CBFA2T3: variants seen among roughly 807,000 people sequenced by gnomAD.
CBFA2T3 encodes the protein transcriptional corepressor CBFA2T3.
CBFA2T3 carries 31 observed loss-of-function variants against 58.6 expected under a neutral mutation model. The observed-to-expected ratio is 0.53, with a 90% CI of 0.40 to 0.71. The LOEUF (loss-of-function observed/expected upper bound fraction) is 0.71, where lower values mean the gene tolerates loss of function less well. Among genes scored for constraint, CBFA2T3 ranks in the 30% least tolerant of loss-of-function variants. The pLI is 0.00. For synonymous variants in CBFA2T3, 531 were observed against 421.9 expected, an observed-to-expected ratio of 1.26 and a Z score of -3.17; for missense variants, 1,076 against 963.1, an observed-to-expected ratio of 1.12 and a Z score of -1.55.
intron 1 of CBFA2T3, among the ~76,000 whole-genome samples, chr16:88,911,258 C>G (rs61691324): frequency 0.016 from 2,426 of 152,326 alleles, 16 homozygotes; most frequent in East Asian, 0.021. Flanking sequence ...TGACGATGGA[C>G]GGCACGGGGT....
intron 1 of CBFA2T3, among the ~76,000 whole-genome samples, chr16:88,926,010 G>GC (rs541678336): frequency 6.6e-6 from 1 of 152,234 alleles, no homozygotes; most frequent in Non-Finnish European, 1.5e-5. Flanking sequence ...CATCTCTTCT[G>GC]CCCCCTGGAA....
intron 5 of CBFA2T3, chr16:88,886,735 C>T (rs1969392147): frequency 6.6e-6 from 1 of 152,534 alleles, no homozygotes; most frequent in African/African-American, 2.4e-5. Flanking sequence ...CAGCCTTGGC[C>T]TTGATGGAGC....
At chr16:88,956,903 C>T (rs1439465528) in intron 1 of CBFA2T3, among the ~76,000 whole-genome samples, 1 of 152,248 alleles carries the variant, frequency 6.6e-6, no homozygotes, top group Non-Finnish European at 1.5e-5. Context: ...CTGGCACCCT[C>T]CAGTCCACAC....
At chr16:88,930,839 G>A (rs1292691358) in intron 1 of CBFA2T3, among the ~76,000 whole-genome samples, 4 of 144,108 alleles carry the variant, frequency 2.8e-5, no homozygotes, top group Non-Finnish European at 6.1e-5. Flanking sequence ...ATGGGGAGGG[G>A]CAGACTGTGG....
chr16:88,929,639 T>C (rs1489418183), intron 1 of CBFA2T3, among the ~76,000 whole-genome samples: 2 of 117,360 alleles, frequency 1.7e-5, no homozygotes, highest in African/African-American at 5.9e-5. Context: ...ACGCAAAAAC[T>C]ACCAATACCC....
chr16:88,909,018 G>C (rs530574526), intron 1 of CBFA2T3, among the ~76,000 whole-genome samples: 1 of 152,204 alleles, frequency 6.6e-6, no homozygotes, highest in African/African-American at 2.4e-5. Context: ...CCGGGGAGCG[G>C]GGGGCACCGG....
At chr16:88,959,701 G>C (rs1017487596) in intron 1 of CBFA2T3, among the ~76,000 whole-genome samples, 1 of 152,154 alleles carries the variant, frequency 6.6e-6, no homozygotes, top group Non-Finnish European at 1.5e-5. Flanking sequence ...AACGGGAGCA[G>C]GGCAGAGACG....
At chr16:88,963,291 G>GTGGGCGCTCGTCTTCTGCCAGGGA (rs1972415534) in intron 1 of CBFA2T3, among the ~76,000 whole-genome samples, 1 of 151,340 alleles carries the variant, frequency 6.6e-6, no homozygotes, top group African/African-American at 2.4e-5. Context: ...TCTGCCAGGG[G>GTGGGCGCTCGTCTTCTGCCAGGGA]TGGGCGCTCA....
chr16:88,969,522 C>G lies in CBFA2T3; in HGVS notation c.151+7135G>C, dbSNP rs542568492. ...CCTTCAGGAGGGGCTCGCCGCCACC[C>G]CGTTTTACAAACAGGAGACAGGCTG... is the stretch of plus-strand genomic sequence containing the variant. On this transcript the variant is annotated intron_variant, in intron 1 of 11. Coordinates refer to ENST00000268679, the MANE Select transcript of CBFA2T3 (RefSeq NM_005187.6). Among the ~76,000 whole-genome samples the G allele has an allele frequency of 1.3e-4, 20 of 152,358 alleles. No homozygotes were observed. The East Asian group carries it at 3.9e-3, about 29-fold the overall frequency.
intron 1 of CBFA2T3, among the ~76,000 whole-genome samples, chr16:88,950,005 A>G (rs973076615): frequency 3.9e-5 from 6 of 151,966 alleles, no homozygotes; most frequent in African/African-American, 1.4e-4. Context: ...ATTCTGTCTG[A>G]AAAAAAAGAA....
intron 1 of CBFA2T3, chr16:88,938,986 G>T (rs1971608542): frequency 6.6e-6 from 1 of 152,154 alleles, no homozygotes; most frequent in Admixed American, 6.5e-5. Context: ...CAGCGGCGAG[G>T]CCCGGCCCTC....
intron 1 of CBFA2T3, among the ~76,000 whole-genome samples, chr16:88,905,341 C>T (rs900647444): frequency 7.2e-5 from 11 of 152,112 alleles, no homozygotes; most frequent in Non-Finnish European, 1.0e-4. Flanking sequence ...GACCCCCCAC[C>T]GCCCCTCGTT....
At chr16:88,952,575 G>C (rs879566433) in intron 1 of CBFA2T3, among the ~76,000 whole-genome samples, 7 of 151,968 alleles carry the variant, frequency 4.6e-5, no homozygotes, top group Non-Finnish European at 7.4e-5. Flanking sequence ...TGAGCCTGGG[G>C]TGCCTGCTGC....
rs1483064206 is a variant in CBFA2T3 at position 88,876,492 on chromosome 16, TCTTTTG to T, written c.*478_*483del. 8.6e-6 allele frequency: 2 copies of T among 231,604 alleles called. No homozygotes were observed. The highest frequency in any genetic ancestry group is 1.7e-5 in the Non-Finnish European group (2 of 117,306). The allele number at this position is 231,604 out of a possible 1,614,324, so 14.3% of individuals were successfully genotyped here. On this transcript the variant is annotated 3_prime_UTR_variant, in exon 12 of 12. Coordinates refer to ENST00000268679, the MANE Select transcript of CBFA2T3 (RefSeq NM_005187.6). ...TTTTCTTTGTCCATTTCTGAGTAGC[TCTTTTG>T]CCAACACACAAAACCCCCCAAAATT... is the stretch of plus-strand genomic sequence containing the variant.
At chr16:88,930,414 A>G (rs1231599130) in intron 1 of CBFA2T3, among the ~76,000 whole-genome samples, 1 of 152,062 alleles carries the variant, frequency 6.6e-6, no homozygotes, top group Non-Finnish European at 1.5e-5. Context: ...CCACAGCTGC[A>G]TGGTCCACCA....
chr16:88,890,334 A>G (rs1222345661), intron 5 of CBFA2T3, among the ~76,000 whole-genome samples: 1 of 152,194 alleles, frequency 6.6e-6, no homozygotes, highest in Non-Finnish European at 1.5e-5. Context: ...AACAGCTGCT[A>G]AGTGGCAGGC....
chr16:88,899,350 T>C lies in CBFA2T3; in HGVS notation c.305-1198A>G, dbSNP rs187920234. ...GTGGATTAGGGGATAAATCTGAGGC[T>C]ACCTCAGGGGTGGCCAGAGCCTCAG... On this transcript the variant is annotated intron_variant, in intron 2 of 11. Transcript: ENST00000268679. Among the ~76,000 whole-genome samples, 581 of 152,248 alleles carry C rather than the reference T, an allele frequency of 3.8e-3. 1 individual carries two copies. Among genetic ancestry groups the C allele is most frequent in the African/African-American group, 0.013 (554 of 41,552 alleles).
intron 1 of CBFA2T3, among the ~76,000 whole-genome samples, chr16:88,974,593 G>A (rs959926997): frequency 6.6e-6 from 1 of 152,224 alleles, no homozygotes; most frequent in East Asian, 1.9e-4. Context: ...AAGACAGGAA[G>A]GTTCTTCTAC....
At chr16:88,927,126 C>T (rs1036786442) in intron 1 of CBFA2T3, among the ~76,000 whole-genome samples, 11 of 152,318 alleles carry the variant, frequency 7.2e-5, no homozygotes, top group Admixed American at 2.6e-4. Flanking sequence ...CTCTGCCAGA[C>T]GGAGCAGCAG....
Sources: gnomAD v4.1 joint callset for allele counts (sites outside exome capture counted in the v4.1 genomes callset) on GRCh38, gnomAD v4.1.1 for gene constraint, MANE v1.5 for transcripts, NCBI Gene and HGNC (gene_info 2026-07-23, HGNC 2026-07-21) for gene names.